Variants in RPTOR observed in about 807,000 individuals in gnomAD.
RPTOR encodes the protein regulatory associated protein of MTOR complex 1, also known as regulatory-associated protein of mTOR.
RPTOR carries 21 observed loss-of-function variants against 169.9 expected under a neutral mutation model. The observed-to-expected ratio is 0.12, with a 90% CI of 0.09 to 0.18. The LOEUF (loss-of-function observed/expected upper bound fraction) is 0.18. Ranked by LOEUF, RPTOR falls within the 10% of genes least tolerant of loss-of-function variation. The probability of loss-of-function intolerance (pLI) is 1.00; values close to 1 mark genes in which losing one functional copy is unlikely to be tolerated. For synonymous variants in RPTOR, 732 were observed against 753.2 expected, an observed-to-expected ratio of 0.97 and a Z score of 0.46; for missense variants, 1,133 against 1,855.9, an observed-to-expected ratio of 0.61 and a Z score of 7.16.
intron 1 of RPTOR, among the ~76,000 whole-genome samples, chr17:80,575,559 G>A (rs2064955226): frequency 6.6e-6 from 1 of 152,162 alleles, no homozygotes. Context: ...AGGTTGCACC[G>A]CTGTGTGCAC....
rs1021008120 is a variant in RPTOR at position 80,846,547 on chromosome 17, A to C, written c.1287A>C (p.Pro429=). The C allele has an allele frequency of 9.3e-6, 15 of 1,613,926 alleles. No homozygotes were observed. In the African/African-American group the frequency reaches 1.9e-4, roughly 20 times the overall value. ...CCATGGGCGTGGAGAACCGAAACCC[A>C]CCCGAACAGCTGCCCATCGTCCTGC... ...WLTMGVENRN[P]PEQLPIVLQV... The change falls in exon 11 of 34, where the codon CCA becomes CCC. Residue 429 remains proline, a synonymous_variant. Transcript: ENST00000306801.
chr17:80,646,129 C>G lies in RPTOR; in HGVS notation c.348+2319C>G, dbSNP rs1190843397. 6.6e-6 allele frequency among the ~76,000 whole-genome samples: 1 copy of G among 152,218 alleles called. No homozygotes were observed. The highest frequency in any genetic ancestry group is 1.5e-5 in the Non-Finnish European group (1 of 68,040). ...GCAGCCTAGAAGGAAGCTGTTCTTG[C>G]ACACAGAGTGGGATCTTTTGTCCCC... On this transcript the variant is annotated intron_variant, in intron 3 of 33. Transcript: ENST00000306801. The surrounding 1 kb of genome is among the most constrained non-coding windows in gnomAD (Gnocchi z 5.0).
At chr17:80,769,089 A>G (rs1282898129) in intron 6 of RPTOR, among the ~76,000 whole-genome samples, 1 of 152,100 alleles carries the variant, frequency 6.6e-6, no homozygotes, top group Non-Finnish European at 1.5e-5. Flanking sequence ...ATAGACCTGT[A>G]TGGAGGGTGG....
chr17:80,642,582 T>A (rs1479708101), intron 2 of RPTOR, among the ~76,000 whole-genome samples: 1 of 152,170 alleles, frequency 6.6e-6, no homozygotes, highest in East Asian at 1.9e-4. Context: ...TGATACAAAA[T>A]AATCTATGGG....
At chr17:80,666,877 C>T (rs1173187476) in intron 3 of RPTOR, among the ~76,000 whole-genome samples, 3 of 152,118 alleles carry the variant, frequency 2.0e-5, no homozygotes, top group African/African-American at 7.2e-5. Flanking sequence ...AGAAGCCATG[C>T]GAATTACTGC....
At chr17:80,617,496 G>A (rs1465876302) in intron 1 of RPTOR, among the ~76,000 whole-genome samples, 1 of 152,094 alleles carries the variant, frequency 6.6e-6, no homozygotes, top group Non-Finnish European at 1.5e-5. Flanking sequence ...GCCCTTCAAC[G>A]TGGAATTTTA....
intron 1 of RPTOR, among the ~76,000 whole-genome samples, chr17:80,600,815 G>A (rs1164343474): frequency 6.6e-6 from 1 of 152,070 alleles, no homozygotes; most frequent in African/African-American, 2.4e-5. Context: ...GATGGACAGT[G>A]GCAGATCGTA....
chr17:80,698,313 A>G (rs1366867022), intron 3 of RPTOR, among the ~76,000 whole-genome samples: 1 of 105,654 alleles, frequency 9.5e-6, no homozygotes, highest in Non-Finnish European at 1.9e-5. Flanking sequence ...ACCCCCACCC[A>G]GGCCTCACTG....
intron 6 of RPTOR, among the ~76,000 whole-genome samples, chr17:80,761,053 G>A (rs1300804568): frequency 6.6e-6 from 1 of 152,076 alleles, no homozygotes; most frequent in Non-Finnish European, 1.5e-5. Context: ...TCCAAAATGA[G>A]CAATGACATT....
At chr17:80,798,603 C>A (rs1265452629) in intron 7 of RPTOR, among the ~76,000 whole-genome samples, 1 of 152,046 alleles carries the variant, frequency 6.6e-6, no homozygotes. Context: ...ACCACTCCTC[C>A]CATCGCATGT....
At chr17:80,954,953 C>A (rs1376359831) in intron 28 of RPTOR, among the ~76,000 whole-genome samples, 2 of 152,060 alleles carry the variant, frequency 1.3e-5, no homozygotes, top group African/African-American at 4.8e-5. Flanking sequence ...AAATCATAGA[C>A]AACGGGAATA....
chr17:80,708,933 A>G lies in RPTOR; in HGVS notation c.507+934A>G. On this transcript the variant is annotated intron_variant, in intron 4 of 33. Transcript: ENST00000306801. The surrounding 1 kb of genome is among the most constrained non-coding windows in gnomAD (Gnocchi z 4.2). ...CTTAGTGTGGACACCGCCTCCTGCC[A>G]TCATAGTGAGGACTCTGACTCCGTT... The G allele has an allele frequency of 1.0e-6, 1 of 985,672 alleles. No homozygotes were observed. Among genetic ancestry groups the G allele is most frequent in the Non-Finnish European group, 1.2e-6 (1 of 829,876 alleles). The allele number at this position is 985,672 out of a possible 1,614,324, so 61.1% of individuals were successfully genotyped here.
intron 7 of RPTOR, among the ~76,000 whole-genome samples, chr17:80,801,327 T>G (rs905408660): frequency 3.3e-5 from 5 of 152,156 alleles, no homozygotes; most frequent in African/African-American, 1.2e-4. Flanking sequence ...GTTATCTACC[T>G]TTTAAAAGAT....
intron 3 of RPTOR, among the ~76,000 whole-genome samples, chr17:80,683,604 T>C (rs766561456): frequency 1.3e-5 from 2 of 152,144 alleles, no homozygotes; most frequent in Non-Finnish European, 2.9e-5. Flanking sequence ...TGATTGTATG[T>C]TTTTCTTCCC....
chr17:80,775,801 C>T (rs1000388817), intron 6 of RPTOR, among the ~76,000 whole-genome samples: 2 of 152,206 alleles, frequency 1.3e-5, no homozygotes, highest in African/African-American at 4.8e-5. Flanking sequence ...CCAGAATCCA[C>T]TGTTTTTGCT....
intron 1 of RPTOR, among the ~76,000 whole-genome samples, chr17:80,585,281 T>G (rs1385861967): frequency 1.3e-5 from 2 of 151,628 alleles, no homozygotes; most frequent in Non-Finnish European, 2.9e-5. Context: ...CTCGACTCAC[T>G]GCAAACTCCG....
At chr17:80,668,063 G>A (rs993718128) in intron 3 of RPTOR, among the ~76,000 whole-genome samples, 1 of 152,084 alleles carries the variant, frequency 6.6e-6, no homozygotes, top group Non-Finnish European at 1.5e-5. Context: ...TTTCAGGCGC[G>A]GGCATCTAAC....
At chr17:80,884,944 C>G in intron 16 of RPTOR, 64 bp from the exon 17 acceptor site, 1 of 1,552,084 alleles carries the variant, frequency 6.4e-7, no homozygotes, top group Non-Finnish European at 8.7e-7. Flanking sequence ...ACAGCCCTGG[C>G]AGAAAGGCAG....
intron 5 of RPTOR, among the ~76,000 whole-genome samples, chr17:80,734,340 C>T (rs2066417443): frequency 6.6e-6 from 1 of 152,188 alleles, no homozygotes; most frequent in African/African-American, 2.4e-5. Flanking sequence ...TCAGCTGGCT[C>T]CCCTTTGTAA....
Sources: allele counts gnomAD v4.1 joint callset (sites outside exome capture counted in the v4.1 genomes callset), GRCh38; gene constraint gnomAD v4.1.1; non-coding constraint Gnocchi (gnomAD v3.1); transcripts MANE v1.5; gene names NCBI Gene and HGNC (gene_info 2026-07-23, HGNC 2026-07-21).